Variants in TECTA observed in about 807,000 individuals in gnomAD.
TECTA encodes tectorin alpha, also known as alpha-tectorin.
TECTA carries 128 observed loss-of-function variants against 216.8 expected under a neutral mutation model. The ratio of observed to expected loss-of-function variants is 0.59; its 90% CI spans 0.51 to 0.68. The LOEUF (loss-of-function observed/expected upper bound fraction) is 0.68, where lower values mean the gene tolerates loss of function less well. TECTA is among the 30% of genes least tolerant of loss of function. The pLI, the probability that TECTA is intolerant of heterozygous loss-of-function variation, is 0.00. For synonymous variants in TECTA, 1,089 were observed against 1,117.1 expected (o/e 0.97, Z 0.50); for missense variants, 2,551 against 2,786.2 (o/e 0.92, Z 1.90).
In TECTA at chr11:121,144,892, C is replaced by T. The variant is rs138395410; in HGVS notation, c.3544-663C>T. Among the ~76,000 whole-genome samples the T allele has an allele frequency of 1.8e-3, 278 of 152,202 alleles. 2 individuals carry two copies. Among genetic ancestry groups the T allele is most frequent in the African/African-American group, 4.8e-3 (201 of 41,514 alleles). On this transcript the variant is annotated intron_variant, in intron 11 of 23. Coordinates refer to ENST00000392793, the MANE Select transcript of TECTA (RefSeq NM_005422.4). ...AACATAAGGCAGACTGTGATGTGTG[C>T]TGCAATACAGTGTATGCAGGCTTGA...
rs1027333173 is a variant in TECTA at position 121,118,427 on chromosome 11, G to A, written c.912G>A (p.Val304=). The part of the protein sequence containing the change: ...CQEASCSPYE[V]CEPKGKFFYC... ...AGGCTTCCTGTAGCCCCTACGAGGTGTGCGAACCCAAAGGCAAATTCTTCT... is the reference window on the plus strand; with the variant it reads ...AGGCTTCCTGTAGCCCCTACGAGGTATGCGAACCCAAAGGCAAATTCTTCT... Residue 304 remains valine, a synonymous_variant, in exon 7 of 24, where the codon GTG becomes GTA. Transcript: ENST00000392793. The A allele has an allele frequency of 1.9e-6, 3 of 1,614,210 alleles. No homozygotes were observed. The highest frequency in any genetic ancestry group is 1.3e-5 in the African/African-American group (1 of 75,056).
chr11:121,183,528 G>A (rs1354295375), intron 20 of TECTA, among the ~76,000 whole-genome samples: 1 of 152,134 alleles, frequency 6.6e-6, no homozygotes, highest in African/African-American at 2.4e-5. Flanking sequence ...GACCCTGGCA[G>A]GGCCAACTGC....
rs759003804 is a variant in TECTA at position 121,137,788 on chromosome 11, A to G, written c.3309A>G (p.Ser1103=). 3.7e-6 allele frequency: 6 copies of G among 1,614,018 alleles called. No individual in the cohort carries two copies. The highest frequency in any genetic ancestry group is 5.1e-6 in the Non-Finnish European group (6 of 1,179,974). ...GCACCGACGCCTCCTGCATCGTCTC[A>G]GGCTACGGCCACTACCTCACCTTTG... The part of the protein sequence containing the change: ...QARTDASCIV[S]GYGHYLTFDG... Residue 1103 remains serine, a synonymous_variant, in exon 11 of 24, where the codon TCA becomes TCG. Coordinates refer to ENST00000392793, the MANE Select transcript of TECTA (RefSeq NM_005422.4).
rs1180694694 is a variant in TECTA, at chr11:121,113,593, T to C, written c.665T>C (p.Leu222Pro). 1.2e-6 allele frequency: 2 copies of C among 1,613,896 alleles called. No homozygotes were observed. Among genetic ancestry groups the C allele is most frequent in the African/African-American group, 1.3e-5 (1 of 74,914 alleles). ...GGAAACCTCACCAATTTCTTCAGCC[T>C]CCCGGGGTCAAGAACCCCCGAGATC... ...NGGNLTNFFS[L>P]PGSRTPEIVN... is the part of the protein sequence containing the mutation. Residue 222 changes from leucine (L) to proline (P), a missense_variant, in exon 6 of 24, where the codon CTC (leucine) becomes CCC (proline). Physicochemically the swap from Leu to Pro is moderately conservative, Grantham distance 98. Transcript: ENST00000392793. This position sits in a 1 kb window ranked among gnomAD's most constrained non-coding sequence, Gnocchi z 4.2.
At chr11:121,128,900 GATCC>G in intron 9 of TECTA, among the ~76,000 whole-genome samples, 1 of 152,196 alleles carries the variant, frequency 6.6e-6, no homozygotes, top group Non-Finnish European at 1.5e-5. Context: ...CAGACTTATA[GATCC>G]TTAGCTCTAG....
intron 20 of TECTA, among the ~76,000 whole-genome samples, chr11:121,173,996 G>T (rs1947139403): frequency 6.6e-6 from 1 of 152,012 alleles, no homozygotes; most frequent in South Asian, 2.1e-4. Flanking sequence ...CTGTTTGTCT[G>T]TTATTGGTGT....
chr11:121,137,837 A>G lies in TECTA; in HGVS notation c.3358A>G (p.Thr1120Ala), dbSNP rs1369099911. ...TFDGFPFDFQ[T>A]SCPLILCTTG... ...TGATGGCTTCCCCTTTGACTTCCAG[A>G]CCAGCTGCCCACTCATCCTGTGCAC... The change falls in exon 11 of 24, where the codon ACC (threonine) becomes GCC (alanine). Residue 1120 changes from threonine (T) to alanine (A), a missense_variant. By Grantham distance (58) the Thr-to-Ala change is moderately conservative. Coordinates refer to ENST00000392793, the MANE Select transcript of TECTA (RefSeq NM_005422.4). 6.2e-7 allele frequency: 1 copy of G among 1,610,096 alleles called. No individual in the cohort carries two copies. Among genetic ancestry groups the G allele is most frequent in the South Asian group, 1.1e-5 (1 of 90,994 alleles).
Position 121,137,467 on chromosome 11 carries a change from T to A in TECTA, c.2988T>A (p.Cys996Ter). ...ENSHFEECITCTETCETLTLG... is the reference protein window; with the variant it reads ...ENSHFEECIT The stretch of plus-strand genomic sequence containing the variant: ...GCCACTTTGAGGAGTGCATCACATG[T>A]ACAGAGACCTGTGAGACCCTTACCC... Residue 996 changes from cysteine to a stop codon, truncating the protein, a stop_gained, in exon 11 of 24, where the codon TGT becomes TGA. Coordinates refer to ENST00000392793, the MANE Select transcript of TECTA (RefSeq NM_005422.4). LOFTEE classifies it high-confidence loss of function. The A allele has an allele frequency of 6.2e-7, 1 of 1,613,988 alleles. No homozygotes were observed. Among genetic ancestry groups the A allele is most frequent in the Non-Finnish European group, 8.5e-7 (1 of 1,180,000 alleles).
rs1051688466 is a variant in TECTA at position 121,113,507 on chromosome 11, G to A, written c.625-46G>A. On this transcript the variant is annotated intron_variant, in intron 5 of 23. Transcript: ENST00000392793. The surrounding 1 kb of genome is among the most constrained non-coding windows in gnomAD (Gnocchi z 4.2). ...AAGGTAGTTGGGCCAGTTAACCCATGGGGAATTTTTGTACTCAAAAATCTT... is the reference window on the plus strand; with the variant it reads ...AAGGTAGTTGGGCCAGTTAACCCATAGGGAATTTTTGTACTCAAAAATCTT... The A allele has an allele frequency of 1.2e-6, 2 of 1,612,630 alleles. No homozygotes were observed. Among genetic ancestry groups the A allele is most frequent in the African/African-American group, 2.7e-5 (2 of 74,870 alleles).
chr11:121,162,447 A>G (rs1319549184), intron 16 of TECTA, 77 bp downstream of exon 16: 2 of 1,499,254 alleles, frequency 1.3e-6, no homozygotes, highest in African/African-American at 2.8e-5. Flanking sequence ...TGCTTTTTCT[A>G]GGGATGACTG....
At chr11:121,157,784 C>T (rs1402900817) in intron 13 of TECTA, 57 bp from the exon 14 acceptor site, 1 of 1,611,292 alleles carries the variant, frequency 6.2e-7, no homozygotes, top group South Asian at 1.1e-5. Context: ...ACTGGGCTTT[C>T]GGGTCCCCAG....
At chr11:121,123,729 G>A (rs1299967521) in intron 7 of TECTA, among the ~76,000 whole-genome samples, 3 of 152,202 alleles carry the variant, frequency 2.0e-5, no homozygotes, top group Non-Finnish European at 2.9e-5. Context: ...AAGTCAGATC[G>A]TGCGGACTTT....
intron 10 of TECTA, 28 bp downstream of exon 10, chr11:121,130,239 G>T (rs765227019): frequency 5.0e-6 from 8 of 1,597,276 alleles, no homozygotes; most frequent in African/African-American, 4.0e-5. Context: ...TCTGGGAGAG[G>T]CTTTCTAGCT....
At chr11:121,174,687 A>C (rs1231936400) in intron 20 of TECTA, among the ~76,000 whole-genome samples, 1 of 152,324 alleles carries the variant, frequency 6.6e-6, no homozygotes, top group Non-Finnish European at 1.5e-5. Flanking sequence ...CTTTGGTATC[A>C]GGATAATGCT....
chr11:121,129,737 G>A lies in TECTA; in HGVS notation c.2467G>A (p.Val823Met). 6.2e-7 allele frequency: 1 copy of A among 1,614,194 alleles called. No homozygotes were observed. Among genetic ancestry groups the A allele is most frequent in the Non-Finnish European group, 8.5e-7 (1 of 1,180,038 alleles). ...TACGACAGTGGAGTCCAAGGGCGTG[G>A]TGACTGTCCAGTACTCAGACATAGG... The part of the protein sequence containing the change: ...NSTTVESKGV[V>M]TVQYSDIGLL... Residue 823 changes from valine (V) to methionine (M), a missense_variant, in exon 10 of 24, where the codon GTG becomes ATG. By Grantham distance (21) the Val-to-Met change is conservative. Transcript: ENST00000392793.
rs760849306 is a variant in TECTA, at chr11:121,113,949, C to G, written c.790+231C>G. Among the ~76,000 whole-genome samples the G allele has an allele frequency of 6.6e-6, 1 of 152,288 alleles. No individual in the cohort carries two copies. Among genetic ancestry groups the G allele is most frequent in the East Asian group, 1.9e-4 (1 of 5,192 alleles). ...GAAGTCCTTTTCTGGAGTGTGCACA[C>G]AGTTATCCGTTCTGAACAACTCCGA... is the stretch of plus-strand genomic sequence containing the variant. On this transcript the variant is annotated intron_variant, in intron 6 of 23. Transcript: ENST00000392793. The surrounding 1 kb of genome is among the most constrained non-coding windows in gnomAD (Gnocchi z 4.2).
Position 121,146,024 on chromosome 11 carries a change from T to G in TECTA, c.4013T>G (p.Val1338Gly), listed in dbSNP as rs767106083. ...GACTCTTGCATCGATGGGGGCGCGG[T>G]GCAGACCGCCTGCAGCTGGCTGCAG... ...LFDSCIDGGA[V>G]QTACSWLQNY... Residue 1338 changes from valine to glycine, a missense_variant, in exon 12 of 24, where the codon GTG becomes GGG. By Grantham distance (109) the Val-to-Gly change is moderately radical (BLOSUM62 -3). Coordinates refer to ENST00000392793, the MANE Select transcript of TECTA (RefSeq NM_005422.4). 2 of 1,614,062 alleles carry G rather than the reference T, an allele frequency of 1.2e-6. No individual in the cohort carries two copies. The highest frequency in any genetic ancestry group is 1.1e-5 in the South Asian group (1 of 91,092).
At chr11:121,110,696 A>G (rs1180857568) in intron 4 of TECTA, 3 of 152,222 alleles carry the variant, frequency 2.0e-5, no homozygotes, top group Non-Finnish European at 4.4e-5. Context: ...GGATGCCAGC[A>G]ATTGATAAAT....
intron 10 of TECTA, among the ~76,000 whole-genome samples, chr11:121,134,179 A>G (rs1044319808): frequency 1.3e-5 from 2 of 152,006 alleles, no homozygotes; most frequent in African/African-American, 2.4e-5. Flanking sequence ...TCCCTGCCCC[A>G]TGCTGGAATC....
Sources: allele counts gnomAD v4.1 joint callset (sites outside exome capture counted in the v4.1 genomes callset), GRCh38; gene constraint gnomAD v4.1.1; non-coding constraint Gnocchi (gnomAD v3.1); transcripts MANE v1.5; gene names NCBI Gene and HGNC (gene_info 2026-07-23, HGNC 2026-07-21).